MBD2: variants seen among roughly 807,000 people sequenced by gnomAD.
MBD2 encodes methyl-CpG binding domain protein 2, also known as methyl-CpG-binding domain protein 2.
Under a neutral mutation model 39.3 loss-of-function variants are expected in MBD2, and 9 were observed. The observed-to-expected ratio is 0.23, with a 90% CI of 0.14 to 0.40. The LOEUF is 0.40. Among genes scored for constraint, MBD2 ranks in the 10% least tolerant of loss-of-function variants. The probability of loss-of-function intolerance (pLI) is 1.00; values close to 1 mark genes in which losing one functional copy is unlikely to be tolerated. For synonymous variants in MBD2, 233 were observed against 211.1 expected (o/e 1.10, Z -0.90); for missense variants, 458 against 532.6 (o/e 0.86, Z 1.38).
chr18:54,213,457 C>A (rs1183463239), intron 1 of MBD2, among the ~76,000 whole-genome samples: 1 of 152,116 alleles, frequency 6.6e-6, no homozygotes, highest in Non-Finnish European at 1.5e-5. Flanking sequence ...GTCCCTGGTG[C>A]CGAAAAAGTT....
Position 54,213,625 on chromosome 18 carries a change from T to A in MBD2, c.543-8468A>T, listed in dbSNP as rs181746888. Among the ~76,000 whole-genome samples the A allele has an allele frequency of 6.1e-3, 934 of 152,252 alleles. 5 individuals are homozygous for A. The highest frequency in any genetic ancestry group is 9.8e-3 in the Non-Finnish European group (666 of 68,032). Reference sequence around the variant, plus strand: ...AAAGAAAAATACTGGTTATTTTGGTTGAATTGGGGACTAGACACTGCTACG... The same window carrying A: ...AAAGAAAAATACTGGTTATTTTGGTAGAATTGGGGACTAGACACTGCTACG... On this transcript the variant is annotated intron_variant, in intron 1 of 6. Transcript: ENST00000256429.
At chr18:54,196,609 T>G (rs2086369026) in intron 2 of MBD2, among the ~76,000 whole-genome samples, 1 of 151,682 alleles carries the variant, frequency 6.6e-6, no homozygotes, top group South Asian at 2.1e-4. Context: ...ATTGCTGACC[T>G]GGAGTCTGCA....
chr18:54,215,033 C>T (rs1274679073), intron 1 of MBD2, among the ~76,000 whole-genome samples: 2 of 152,046 alleles, frequency 1.3e-5, no homozygotes, highest in Non-Finnish European at 2.9e-5. Flanking sequence ...AGCCACCGCG[C>T]CCGGCCTCCA....
At chr18:54,173,791 G>A (rs1383337755) in intron 3 of MBD2, among the ~76,000 whole-genome samples, 6 of 152,180 alleles carry the variant, frequency 3.9e-5, no homozygotes, top group East Asian at 1.9e-4. Context: ...CCAGTATCAC[G>A]GGGAGGAAAG....
At position 54,173,515 on chromosome 18, in the gene MBD2, G is replaced by C. The variant is rs1226428215; in HGVS notation, c.841-7349C>G. On this transcript the variant is annotated intron_variant, in intron 3 of 6. Coordinates refer to ENST00000256429, the MANE Select transcript of MBD2 (RefSeq NM_003927.5). ...TAGAGAAAGGAGGTCCCTGTGCTGTGCAGCAGTACGTAAGGAAAGGCTGGG... is the reference window on the plus strand; with the variant it reads ...TAGAGAAAGGAGGTCCCTGTGCTGTCCAGCAGTACGTAAGGAAAGGCTGGG... 2.0e-5 allele frequency among the ~76,000 whole-genome samples: 3 copies of C among 152,308 alleles called. No homozygotes were observed. In the East Asian group the frequency reaches 5.8e-4, roughly 29 times the overall value.
At chr18:54,187,943 G>A in intron 3 of MBD2, 3 of 721,516 alleles carry the variant, frequency 4.2e-6, no homozygotes, top group Non-Finnish European at 5.1e-6. Context: ...TATGAAGTCT[G>A]GAGATGAGAC....
intron 1 of MBD2, among the ~76,000 whole-genome samples, chr18:54,221,121 G>A (rs942480052): frequency 3.3e-5 from 5 of 152,138 alleles, no homozygotes; most frequent in Non-Finnish European, 7.4e-5. Context: ...AGTGGCTTAC[G>A]ACTTGCCTTA....
chr18:54,196,301 G>T (rs758180243), intron 2 of MBD2, among the ~76,000 whole-genome samples: 11 of 152,082 alleles, frequency 7.2e-5, no homozygotes, highest in Non-Finnish European at 1.5e-4. Flanking sequence ...TATACTTTGA[G>T]CTCATTAAAA....
intron 1 of MBD2, among the ~76,000 whole-genome samples, chr18:54,205,459 T>C (rs1362555725): frequency 6.6e-6 from 1 of 151,646 alleles, no homozygotes; most frequent in East Asian, 1.9e-4. Flanking sequence ...GGCATGGTGG[T>C]GGGCGCCTGT....
chr18:54,174,406 T>C (rs115051213), intron 3 of MBD2, among the ~76,000 whole-genome samples: 2,656 of 152,332 alleles, frequency 0.017, 81 homozygotes, highest in African/African-American at 0.061. Context: ...GCACCATCAC[T>C]GCAAGCTCCT....
At chr18:54,167,681 A>G (rs1454170454) in intron 3 of MBD2, among the ~76,000 whole-genome samples, 1 of 152,224 alleles carries the variant, frequency 6.6e-6, no homozygotes, top group Admixed American at 6.5e-5. Context: ...TGTAATAAGC[A>G]CAACGCTAGC....
chr18:54,193,852 A>G (rs1042593968), intron 2 of MBD2, among the ~76,000 whole-genome samples: 2 of 152,168 alleles, frequency 1.3e-5, no homozygotes, highest in African/African-American at 4.8e-5. Flanking sequence ...TCTAGAAGAA[A>G]ATCGATAAAG....
intron 2 of MBD2, among the ~76,000 whole-genome samples, chr18:54,201,720 G>A (rs980738999): frequency 4.6e-5 from 7 of 151,916 alleles, no homozygotes; most frequent in African/African-American, 9.7e-5. Context: ...GAAATTAGCC[G>A]GGCGTGGTGG....
At chr18:54,219,884 T>A (rs1358552804) in intron 1 of MBD2, among the ~76,000 whole-genome samples, 1 of 152,190 alleles carries the variant, frequency 6.6e-6, no homozygotes, top group African/African-American at 2.4e-5. Flanking sequence ...CACTGCAAGC[T>A]CCGCCTCCTG....
chr18:54,195,587 A>G (rs1214597305), intron 2 of MBD2, among the ~76,000 whole-genome samples: 1 of 152,150 alleles, frequency 6.6e-6, no homozygotes, highest in East Asian at 1.9e-4. Context: ...ATAAAAATCA[A>G]ACGAGATAAT....
intron 2 of MBD2, chr18:54,202,801 CA>C: frequency 1.3e-6 from 2 of 1,545,286 alleles, no homozygotes; most frequent in Non-Finnish European, 1.7e-6. Context: ...TGTGCAAAAG[CA>C]AAAAAAGACA....
intron 3 of MBD2, among the ~76,000 whole-genome samples, chr18:54,176,320 G>C (rs2086212477): frequency 6.6e-6 from 1 of 152,278 alleles, no homozygotes; most frequent in African/African-American, 2.4e-5. Context: ...CTTAGTAACT[G>C]TCAGATCTAT....
rs146873463 is a variant in MBD2, at chr18:54,151,639, T to C, written c.*3685A>G. 6.6e-6 allele frequency: 1 copy of C among 152,358 alleles called. No individual in the cohort carries two copies. The highest frequency in any genetic ancestry group is 1.5e-5 in the Non-Finnish European group (1 of 68,032). 9.4% of individuals were successfully genotyped at this position (152,358 alleles called of 1,614,324 possible). On this transcript the variant is annotated 3_prime_UTR_variant, in exon 7 of 7. Coordinates refer to ENST00000256429, the MANE Select transcript of MBD2 (RefSeq NM_003927.5). ...CTTCAAAATTTATTGCTGTACATTT[T>C]CTCATAGCATTTACTATGGAAATAC...
intron 3 of MBD2, among the ~76,000 whole-genome samples, chr18:54,185,604 C>A (rs1489869804): frequency 2.6e-5 from 4 of 152,058 alleles, no homozygotes; most frequent in Non-Finnish European, 5.9e-5. Flanking sequence ...TTGTTACCAG[C>A]AAAAATTACA....
Sources: allele counts gnomAD v4.1 joint callset (sites outside exome capture counted in the v4.1 genomes callset), GRCh38; gene constraint gnomAD v4.1.1; transcripts MANE v1.5; gene names NCBI Gene and HGNC (gene_info 2026-07-23, HGNC 2026-07-21).